Variants in RARB observed in about 807,000 individuals in gnomAD.
The protein encoded by RARB is HBV-activated protein.
Under a neutral mutation model 51.9 loss-of-function variants are expected in RARB, and 17 were observed. The observed-to-expected ratio is 0.33, with a 90% CI of 0.22 to 0.49. The LOEUF (loss-of-function observed/expected upper bound fraction) is 0.49. RARB is among the 20% of genes least tolerant of loss of function. RARB has a pLI of 0.99. For missense variants in RARB, 369 were observed against 550.8 expected, an observed-to-expected ratio of 0.67 and a Z score of 3.30; for synonymous variants, 215 against 195.4, an observed-to-expected ratio of 1.10 and a Z score of -0.84.
intron 5 of RARB, among the ~76,000 whole-genome samples, chr3:25,320,147 A>T (rs144518788): frequency 1.6e-3 from 239 of 151,894 alleles, no homozygotes; most frequent in African/African-American, 5.6e-3. Context: ...CCTCTACAAC[A>T]TCCCCATACC....
intron 5 of RARB, among the ~76,000 whole-genome samples, chr3:25,373,892 C>G (rs1295270862): frequency 2.6e-5 from 4 of 152,130 alleles, no homozygotes; most frequent in Non-Finnish European, 4.4e-5. Context: ...AACCAAAAAT[C>G]AGGGTAGCTC....
intron 2 of RARB, among the ~76,000 whole-genome samples, chr3:25,052,733 C>T (rs1231857740): frequency 6.6e-6 from 1 of 152,118 alleles, no homozygotes; most frequent in Non-Finnish European, 1.5e-5. Flanking sequence ...CAATCATATT[C>T]TCTTATCTTT....
intron 5 of RARB, among the ~76,000 whole-genome samples, chr3:25,323,316 G>A (rs1428782874): frequency 6.6e-6 from 1 of 152,160 alleles, no homozygotes; most frequent in African/African-American, 2.4e-5. Context: ...CATTACAAAA[G>A]GACATGTGGG....
intron 5 of RARB, among the ~76,000 whole-genome samples, chr3:25,199,326 G>T (rs1701332522): frequency 6.6e-6 from 1 of 151,952 alleles, no homozygotes. Flanking sequence ...TGGGGGTGGG[G>T]GAAGTGGGGA....
chr3:25,388,681 T>A (rs1046379552), intron 5 of RARB, among the ~76,000 whole-genome samples: 1 of 152,210 alleles, frequency 6.6e-6, no homozygotes, highest in African/African-American at 2.4e-5. Context: ...ATTGTGACAA[T>A]TCACAGAGAG....
At chr3:25,177,163 G>T (rs1299428229) in intron 5 of RARB, among the ~76,000 whole-genome samples, 1 of 152,182 alleles carries the variant, frequency 6.6e-6, no homozygotes, top group Non-Finnish European at 1.5e-5. Context: ...AGATGGAAAT[G>T]ATTAAAAGAA....
chr3:25,005,832 T>G (rs1697260487), intron 2 of RARB, among the ~76,000 whole-genome samples: 1 of 152,186 alleles, frequency 6.6e-6, no homozygotes, highest in Non-Finnish European at 1.5e-5. Flanking sequence ...ATTTTTCTGC[T>G]GAAAACTTTT....
intron 2 of RARB, among the ~76,000 whole-genome samples, chr3:24,867,438 C>T (rs577200303): frequency 1.2e-3 from 187 of 152,214 alleles, no homozygotes; most frequent in African/African-American, 4.3e-3. Flanking sequence ...CTAGGAAAAG[C>T]TTGAGGGAGG....
intron 1 of RARB, among the ~76,000 whole-genome samples, chr3:24,835,725 A>G (rs1006139129): frequency 6.6e-6 from 1 of 152,192 alleles, no homozygotes; most frequent in African/African-American, 2.4e-5. Flanking sequence ...TTCTATATCT[A>G]TGAATATATT....
At chr3:25,021,578 A>C (rs1697636997) in intron 2 of RARB, among the ~76,000 whole-genome samples, 2 of 152,126 alleles carry the variant, frequency 1.3e-5, no homozygotes, top group South Asian at 4.1e-4. Flanking sequence ...TTATATACCT[A>C]GTTTATTGCA....
At chr3:24,915,875 A>T (rs1695096996) in intron 2 of RARB, among the ~76,000 whole-genome samples, 1 of 152,158 alleles carries the variant, frequency 6.6e-6, no homozygotes. Flanking sequence ...GGATTTCTGA[A>T]GCCAAGAAAC....
At position 25,593,722 on chromosome 3, in the gene RARB, G is replaced by A. The variant is rs971880226; in HGVS notation, c.991+15G>A. 3 of 1,606,972 alleles carry A rather than the reference G, an allele frequency of 1.9e-6. No homozygotes were observed. The highest frequency in any genetic ancestry group is 2.6e-6 in the Non-Finnish European group (3 of 1,174,086). ...AATCTGTGGAGGTACCAACTATGTA[G>A]AAAAGCCTCATGAAATTCCATGAAG... On this transcript the variant is annotated intron_variant, in intron 6 of 7. Coordinates refer to ENST00000330688, the MANE Select transcript of RARB (RefSeq NM_000965.5).
intron 1 of RARB, among the ~76,000 whole-genome samples, chr3:25,459,502 CAGAT>C (rs1294790737): frequency 2.0e-5 from 3 of 152,106 alleles, no homozygotes; most frequent in African/African-American, 7.2e-5. Context: ...GCGAGTGAAA[CAGAT>C]GGATTTTAAC....
At chr3:24,918,491 T>G (rs749123718) in intron 2 of RARB, among the ~76,000 whole-genome samples, 2 of 152,186 alleles carry the variant, frequency 1.3e-5, no homozygotes, top group Non-Finnish European at 2.9e-5. Context: ...GTTGCATAAT[T>G]TTGTAAATTT....
upstream of RARB, among the ~76,000 whole-genome samples, chr3:25,426,002 C>G (rs1707977468): frequency 6.6e-6 from 1 of 152,138 alleles, no homozygotes; most frequent in Non-Finnish European, 1.5e-5. Flanking sequence ...TAGCTGTTTC[C>G]TCTTCTCTTG....
At chr3:25,159,097 GTC>G (rs1261424136) in intron 4 of RARB, among the ~76,000 whole-genome samples, 4 of 148,136 alleles carry the variant, frequency 2.7e-5, no homozygotes, top group Non-Finnish European at 4.4e-5. Context: ...ATATAGTAAT[GTC>G]TCTGCCACAT....
chr3:25,147,925 G>A (rs932120461), intron 4 of RARB, among the ~76,000 whole-genome samples: 4 of 152,152 alleles, frequency 2.6e-5, no homozygotes, highest in African/African-American at 9.7e-5. Flanking sequence ...ATCTGTAATT[G>A]TGAGGCAAAA....
intron 5 of RARB, among the ~76,000 whole-genome samples, chr3:25,205,375 G>A (rs747443429): frequency 3.9e-5 from 6 of 152,000 alleles, no homozygotes; most frequent in Non-Finnish European, 7.4e-5. Flanking sequence ...GCACTTCCCG[G>A]GTGAGGCAAT....
intron 5 of RARB, among the ~76,000 whole-genome samples, chr3:25,321,700 G>A (rs1704574792): frequency 6.6e-6 from 1 of 151,962 alleles, no homozygotes; most frequent in Non-Finnish European, 1.5e-5. Flanking sequence ...CTGGGTGGCA[G>A]AGTGAGACTC....
Sources: gnomAD v4.1 joint callset for allele counts (sites outside exome capture counted in the v4.1 genomes callset) on GRCh38, gnomAD v4.1.1 for gene constraint, MANE v1.5 for transcripts, NCBI Gene and HGNC (gene_info 2026-07-23, HGNC 2026-07-21) for gene names.